The following ICA1L variants were observed in gnomAD, a reference collection of about 807,000 sequenced individuals.
ICA1L encodes the protein islet cell autoantigen 1-like protein.
ICA1L carries 50 observed loss-of-function variants against 61.3 expected under a neutral mutation model. The observed-to-expected ratio is 0.82, with a 90% CI of 0.65 to 1.03. ICA1L has a LOEUF of 1.03. ICA1L is among the 50% of genes least tolerant of loss of function. The probability of loss-of-function intolerance (pLI) is 0.00; values close to 1 mark genes in which losing one functional copy is unlikely to be tolerated. For synonymous variants in ICA1L, 161 were observed against 191.3 expected (o/e 0.84, Z 1.31); for missense variants, 508 against 556.7 (o/e 0.91, Z 0.88).
intron 12 of ICA1L, 151 bp from the exon 13 acceptor site, chr2:202,779,799 ATTTTT>A: frequency 9.0e-5 from 39 of 435,510 alleles, no homozygotes; most frequent in East Asian, 2.3e-4. Context: ...TCCCTTTAAG[ATTTTT>A]TTTTTTTTTT....
chr2:202,852,378 G>A (rs1694649782), intron 1 of ICA1L, among the ~76,000 whole-genome samples: 1 of 152,020 alleles, frequency 6.6e-6, no homozygotes, highest in African/African-American at 2.4e-5. Context: ...GTGTAAAAGT[G>A]CTCCCATTTC....
At chr2:202,796,596 T>C (rs1692933072) in intron 10 of ICA1L, among the ~76,000 whole-genome samples, 1 of 152,196 alleles carries the variant, frequency 6.6e-6, no homozygotes. Flanking sequence ...ACAATTGTAT[T>C]CATTCATTCA....
intron 1 of ICA1L, among the ~76,000 whole-genome samples, chr2:202,830,872 G>C (rs1022259866): frequency 6.6e-6 from 1 of 152,066 alleles, no homozygotes; most frequent in African/African-American, 2.4e-5. Flanking sequence ...ATATTATTTA[G>C]TATGATAGAT....
chr2:202,832,611 C>T (rs578251532), intron 1 of ICA1L, among the ~76,000 whole-genome samples: 3 of 152,110 alleles, frequency 2.0e-5, no homozygotes, highest in Admixed American at 1.3e-4. Context: ...AGTTCAGTAA[C>T]TGTAATTTAA....
intron 11 of ICA1L, among the ~76,000 whole-genome samples, chr2:202,787,432 A>G (rs1190486841): frequency 2.0e-5 from 3 of 152,272 alleles, no homozygotes; most frequent in Non-Finnish European, 4.4e-5. Flanking sequence ...AGCCATTGGT[A>G]TGCCACACAA....
intron 2 of ICA1L, among the ~76,000 whole-genome samples, chr2:202,827,023 C>T (rs1184214018): frequency 6.6e-6 from 1 of 152,074 alleles, no homozygotes; most frequent in Non-Finnish European, 1.5e-5. Context: ...TGAGTTTAGA[C>T]ATGTTTGAAG....
At chr2:202,841,319 CAG>C (rs1694323207) in intron 1 of ICA1L, 6 of 767,562 alleles carry the variant, frequency 7.8e-6, no homozygotes, top group Non-Finnish European at 1.4e-5. Flanking sequence ...TTTCCAAGCC[CAG>C]AGTCTCCAGC....
intron 1 of ICA1L, among the ~76,000 whole-genome samples, chr2:202,864,484 C>T (rs537199904): frequency 1.2e-4 from 18 of 152,176 alleles, no homozygotes; most frequent in Non-Finnish European, 1.9e-4. Context: ...CCACCCGCCT[C>T]GGCCTCCCAA....
Position 202,792,759 on chromosome 2 carries a change from G to A in ICA1L, c.986-3672C>T, listed in dbSNP as rs146251469. The stretch of plus-strand genomic sequence containing the variant: ...AGGCAGGTTGCAGTGGGCCAAGATC[G>A]CGCCACTGCACTCCAGCCTGGGCGA... On this transcript the variant is annotated intron_variant, in intron 10 of 12. Transcript: ENST00000358299. Among the ~76,000 whole-genome samples the A allele has an allele frequency of 8.6e-5, 13 of 151,952 alleles. No homozygotes were observed. The East Asian group carries it at 9.7e-4, about 11-fold the overall frequency.
intron 1 of ICA1L, among the ~76,000 whole-genome samples, chr2:202,857,968 C>T (rs1052835430): frequency 1.3e-5 from 2 of 152,114 alleles, no homozygotes; most frequent in African/African-American, 2.4e-5. Flanking sequence ...AGTCAGGAAA[C>T]AACAGATGCT....
intron 9 of ICA1L, among the ~76,000 whole-genome samples, chr2:202,808,353 A>G (rs1203465429): frequency 6.6e-6 from 1 of 151,984 alleles, no homozygotes; most frequent in Admixed American, 6.5e-5. Context: ...TGCTGCAGGG[A>G]GAGACTCCTT....
At chr2:202,836,810 T>TATAGATATATAGATATAGATATAGATAG (rs1694162540) in intron 1 of ICA1L, among the ~76,000 whole-genome samples, 6 of 148,398 alleles carry the variant, frequency 4.0e-5, no homozygotes, top group Non-Finnish European at 8.9e-5. Flanking sequence ...TATATAGATA[T>TATAGATATATAGATATAGATATAGATAG]ATATAGATAT....
chr2:202,868,137 G>A (rs543245786), intron 1 of ICA1L, among the ~76,000 whole-genome samples: 14 of 151,878 alleles, frequency 9.2e-5, no homozygotes, highest in Admixed American at 2.6e-4. Context: ...TGTACACTTC[G>A]AAACGGTTGT....
chr2:202,819,754 C>T lies in ICA1L; in HGVS notation c.505G>A (p.Val169Ile), dbSNP rs765399173. The T allele has an allele frequency of 1.8e-5, 29 of 1,613,990 alleles. No homozygotes were observed. Among genetic ancestry groups the T allele is most frequent in the Non-Finnish European group, 2.3e-5 (27 of 1,180,006 alleles). Residue 169 changes from valine to isoleucine, a missense_variant, in exon 5 of 13, where the codon GTA (valine) becomes ATA (isoleucine). By Grantham distance (29) the Val-to-Ile change is conservative. Transcript: ENST00000358299. ...YRGALLWMKD[V>I]SQELDPDTLK... ...GTGTCTGGGTCCAGCTCTTGGGATA[C>T]ATCTTTCATCCACAGTAGAGCTCCT...
At chr2:202,841,782 G>A in intron 1 of ICA1L, 1 of 415,004 alleles carries the variant, frequency 2.4e-6, no homozygotes, top group Non-Finnish European at 4.7e-6. Context: ...TGATGGACAT[G>A]GTTGATGCAG....
chr2:202,850,046 C>G (rs1347692989), intron 1 of ICA1L, among the ~76,000 whole-genome samples: 2 of 152,168 alleles, frequency 1.3e-5, no homozygotes, highest in African/African-American at 4.8e-5. Flanking sequence ...AGCAGACCTG[C>G]AGAAGAGGGG....
intron 11 of ICA1L, among the ~76,000 whole-genome samples, chr2:202,786,440 T>G (rs1279200150): frequency 2.6e-5 from 4 of 151,900 alleles, no homozygotes; most frequent in Non-Finnish European, 5.9e-5. Context: ...TCCCAGCTAC[T>G]CGGGAGGCTG....
At chr2:202,827,877 T>G (rs1332963608) in intron 2 of ICA1L, among the ~76,000 whole-genome samples, 1 of 152,144 alleles carries the variant, frequency 6.6e-6, no homozygotes, top group Non-Finnish European at 1.5e-5. Context: ...TCAAGACCAG[T>G]TTAATTAGAC....
intron 2 of ICA1L, among the ~76,000 whole-genome samples, chr2:202,826,982 T>G (rs536881871): frequency 1.3e-5 from 2 of 152,280 alleles, no homozygotes; most frequent in South Asian, 4.1e-4. Context: ...ACTAAAATCT[T>G]AAAAGGAGGA....
Sources: gnomAD v4.1 joint callset for allele counts (sites outside exome capture counted in the v4.1 genomes callset) on GRCh38, gnomAD v4.1.1 for gene constraint, MANE v1.5 for transcripts, NCBI Gene and HGNC (gene_info 2026-07-23, HGNC 2026-07-21) for gene names.